ERLEC1: variants seen among roughly 807,000 people sequenced by gnomAD.
ERLEC1 encodes ER lectin.
ERLEC1 carries 47 observed loss-of-function variants against 68.0 expected under a neutral mutation model. The ratio of observed to expected loss-of-function variants is 0.69; its 90% CI spans 0.55 to 0.88. ERLEC1 has a LOEUF of 0.88. ERLEC1 is among the 40% of genes least tolerant of loss of function. ERLEC1 has a pLI of 0.00. For synonymous variants in ERLEC1, 225 were observed against 203.2 expected, an observed-to-expected ratio of 1.11 and a Z score of -0.91; for missense variants, 567 against 583.8, an observed-to-expected ratio of 0.97 and a Z score of 0.30.
intron 1 of ERLEC1, among the ~76,000 whole-genome samples, chr2:53,790,187 G>C (rs749373403): frequency 6.6e-6 from 1 of 151,728 alleles, no homozygotes; most frequent in South Asian, 2.1e-4. Flanking sequence ...TCTGCCTCCC[G>C]GGTTCAAGCG....
chr2:53,790,277 T>C (rs1675320532), intron 1 of ERLEC1, among the ~76,000 whole-genome samples: 1 of 151,994 alleles, frequency 6.6e-6, no homozygotes, highest in African/African-American at 2.4e-5. Flanking sequence ...TTTGTATTTT[T>C]AGTAGAGATG....
intron 8 of ERLEC1, 64 bp from the exon 9 acceptor site, chr2:53,808,235 C>T: frequency 6.5e-7 from 1 of 1,530,250 alleles, no homozygotes; most frequent in Non-Finnish European, 8.8e-7. Flanking sequence ...ATAACTTAAG[C>T]CATAACTGAA....
chr2:53,814,985 A>ATTTTTTTTCTT (rs1676788166), intron 13 of ERLEC1, 50 bp downstream of exon 13: 3 of 967,624 alleles, frequency 3.1e-6, no homozygotes, highest in Non-Finnish European at 4.4e-6. Context: ...CCATGTTTTA[A>ATTTTTTTTCTT]TTTTTTTTTC....
intron 5 of ERLEC1, among the ~76,000 whole-genome samples, chr2:53,798,103 G>A (rs1675814676): frequency 6.6e-6 from 1 of 152,100 alleles, no homozygotes; most frequent in South Asian, 2.1e-4. Context: ...GCTGAGGCAG[G>A]AGCATGGCAT....
chr2:53,796,105 GTCA>G, intron 3 of ERLEC1, 92 bp downstream of exon 3: 1 of 882,196 alleles, frequency 1.1e-6, no homozygotes, highest in Non-Finnish European at 1.7e-6. Context: ...ATTATGTTGT[GTCA>G]GGTTTTTTTT....
chr2:53,796,053 T>C (rs1675678690), intron 3 of ERLEC1, 40 bp downstream of exon 3: 1 of 1,329,082 alleles, frequency 7.5e-7, no homozygotes, highest in Non-Finnish European at 1.1e-6. Context: ...GAAAATAGAT[T>C]ACCAACAGCC....
intron 13 of ERLEC1, 62 bp downstream of exon 13, chr2:53,814,997 T>TTC (rs1676795609): frequency 1.3e-5 from 4 of 309,308 alleles, no homozygotes; most frequent in African/African-American, 8.0e-5. Context: ...TTTTTTTTCT[T>TTC]TTTTTTTTTT....
At chr2:53,817,346 A>G (rs1409147050) in intron 13 of ERLEC1, among the ~76,000 whole-genome samples, 1 of 151,846 alleles carries the variant, frequency 6.6e-6, no homozygotes, top group Non-Finnish European at 1.5e-5. Flanking sequence ...TGTTAGCCAG[A>G]ATGGTCTCGA....
At chr2:53,794,323 A>G (rs776228043) in intron 1 of ERLEC1, 22 bp from the exon 2 acceptor site, 31 of 1,085,766 alleles carry the variant, frequency 2.9e-5, no homozygotes, top group Non-Finnish European at 3.5e-5. Context: ...AACATAATGT[A>G]TGTTTTTTCT....
chr2:53,814,995 C>CTTTTTTTTTTTTT (rs777632156), intron 13 of ERLEC1, 60 bp downstream of exon 13: 418 of 470,030 alleles, frequency 8.9e-4, no homozygotes, highest in South Asian at 1.7e-3. Context: ...ATTTTTTTTT[C>CTTTTTTTTTTTTT]TTTTTTTTTT....
rs201301441 is a variant in ERLEC1, at chr2:53,787,391, C to T, written c.162+19C>T. 238 of 1,595,370 alleles carry T rather than the reference C, an allele frequency of 1.5e-4. No individual in the cohort carries two copies. Among genetic ancestry groups the T allele is most frequent in the Admixed American group, 2.9e-4 (17 of 58,376 alleles). Reference sequence around the variant, plus strand: ...CTCTCTGGTCAGTGCCCTCACTAACCCCGCAGCCACCCCTCCTCCTGACAC... The same window carrying T: ...CTCTCTGGTCAGTGCCCTCACTAACTCCGCAGCCACCCCTCCTCCTGACAC... On this transcript the variant is annotated intron_variant, in intron 1 of 13. Transcript: ENST00000185150.
At chr2:53,817,798 A>G (rs1418159128) in intron 13 of ERLEC1, 100 bp from the exon 14 acceptor site, 2 of 704,120 alleles carry the variant, frequency 2.8e-6, no homozygotes, top group Non-Finnish European at 5.1e-6. Context: ...ACAAGGACTC[A>G]TGCTTCTAGC....
chr2:53,809,113 T>C (rs1300170772), intron 9 of ERLEC1, 101 bp from the exon 10 acceptor site: 1 of 800,162 alleles, frequency 1.2e-6, no homozygotes, highest in Non-Finnish European at 2.0e-6. Flanking sequence ...CTATTGCTTT[T>C]ACAGGTTTTA....
chr2:53,807,366 C>G (rs1299660503), intron 8 of ERLEC1, among the ~76,000 whole-genome samples: 2 of 152,016 alleles, frequency 1.3e-5, no homozygotes, highest in Non-Finnish European at 2.9e-5. Flanking sequence ...CCTATTTGAG[C>G]CACCTCTTCC....
intron 11 of ERLEC1, among the ~76,000 whole-genome samples, chr2:53,814,199 GT>G (rs1162979677): frequency 6.6e-6 from 1 of 152,064 alleles, no homozygotes; most frequent in Non-Finnish European, 1.5e-5. Flanking sequence ...GCAAAGAACT[GT>G]TTTACAAAAC....
At chr2:53,789,742 G>A (rs530675745) in intron 1 of ERLEC1, among the ~76,000 whole-genome samples, 3 of 152,044 alleles carry the variant, frequency 2.0e-5, no homozygotes, top group Non-Finnish European at 4.4e-5. Context: ...TTACTGGCTG[G>A]GCACAGTGGC....
rs775570737 is a variant in ERLEC1, at chr2:53,814,618, A to T, written c.1302A>T (p.Leu434=). Residue 434 remains leucine, a splice_region_variant and synonymous_variant, in exon 12 of 14, where the codon CTA becomes CTT. Coordinates refer to ENST00000185150, the MANE Select transcript of ERLEC1 (RefSeq NM_015701.5). ...TDKPRQVTVK[L]KCKESDSPHA... is the part of the protein sequence containing the mutation. ...AACCAAGACAGGTGACTGTAAAACT[A>T]AAGTAAGTTAGACCATCAAATCATG... 4 of 1,607,012 alleles carry T rather than the reference A, an allele frequency of 2.5e-6. No individual in the cohort carries two copies. The highest frequency in any genetic ancestry group is 3.4e-6 in the Non-Finnish European group (4 of 1,174,744).
At chr2:53,806,800 A>T (rs1372461555) in intron 8 of ERLEC1, among the ~76,000 whole-genome samples, 1 of 152,182 alleles carries the variant, frequency 6.6e-6, no homozygotes, top group East Asian at 1.9e-4. Flanking sequence ...AATTTTTATA[A>T]ATCATTCATT....
At chr2:53,817,708 T>G (rs1192345255) in intron 13 of ERLEC1, among the ~76,000 whole-genome samples, 190 bp from the exon 14 acceptor site, 2 of 152,164 alleles carry the variant, frequency 1.3e-5, no homozygotes, top group African/African-American at 2.4e-5. Context: ...TCTCCACCTA[T>G]CTCATATTCT....
Sources: gnomAD v4.1 joint callset for allele counts (sites outside exome capture counted in the v4.1 genomes callset) on GRCh38, gnomAD v4.1.1 for gene constraint, MANE v1.5 for transcripts, NCBI Gene and HGNC (gene_info 2026-07-23, HGNC 2026-07-21) for gene names.